TBX22: variants seen among roughly 807,000 people sequenced by gnomAD.
TBX22 encodes the protein T-box transcription factor TBX22.
In TBX22, 8 loss-of-function variants were observed where a neutral mutation model predicts 30.1. The observed-to-expected ratio is 0.27, with a 90% CI of 0.16 to 0.48. TBX22 has a LOEUF of 0.48. Among genes scored for constraint, TBX22 ranks in the 20% least tolerant of loss-of-function variants. The probability of loss-of-function intolerance (pLI) is 0.99; values close to 1 mark genes in which losing one functional copy is unlikely to be tolerated. For missense variants in TBX22, 463 were observed against 400.5 expected (o/e 1.16, Z -1.33); for synonymous variants, 173 against 149.1 (o/e 1.16, Z -1.17).
intron 1 of TBX22, among the ~76,000 whole-genome samples, chrX:80,021,315 C>T (rs1317756504): frequency 9.0e-6 from 1 of 111,622 alleles, no homozygotes; most frequent in Non-Finnish European, 1.9e-5. Context: ...AGAGGCAGGG[C>T]TTGAAGATCC....
In TBX22 at chrX:80,022,455, C is replaced by A. The variant is rs1462162124; in HGVS notation, c.175+11C>A. 2 of 1,171,180 alleles carry A rather than the reference C, an allele frequency of 1.7e-6. No individual in the cohort carries two copies. Reference sequence around the variant, plus strand: ...AGAGCGAGCCGCTTGGTAAGTACTGCCATTGCCCTGAGCCCGTTGCCTGAG... The same window carrying A: ...AGAGCGAGCCGCTTGGTAAGTACTGACATTGCCCTGAGCCCGTTGCCTGAG... On this transcript the variant is annotated intron_variant, in intron 2 of 8. Transcript: ENST00000373296.
intron 4 of TBX22, among the ~76,000 whole-genome samples, chrX:80,024,612 C>A (rs959727438): frequency 2.7e-5 from 3 of 111,450 alleles, no homozygotes; most frequent in Non-Finnish European, 3.8e-5. Context: ...CAGCAGGAGG[C>A]CAGAAGGATG....
rs1207067445 is a variant in TBX22 at position 80,018,128 on chromosome X, A to G, written c.-3+3241A>G. ...AAGCACAGTCTTCTTGAGAGATTAT[A>G]TTGAATTAAGCTAACCAGAAGTTGA... On this transcript the variant is annotated intron_variant, in intron 1 of 8. Transcript: ENST00000373296. Among the ~76,000 whole-genome samples the G allele has an allele frequency of 7.1e-5, 8 of 112,232 alleles. No individual in the cohort carries two copies. The Admixed American group carries it at 7.5e-4, about 11-fold the overall frequency.
intron 5 of TBX22, 135 bp from the exon 6 acceptor site, chrX:80,026,569 A>G: frequency 1.5e-6 from 1 of 683,592 alleles, no homozygotes; most frequent in Non-Finnish European, 2.3e-6. Context: ...TTGGAGGCCA[A>G]ATGGCACAAC....
Position 80,022,521 on chromosome X carries a change from C to T in TBX22, c.175+77C>T, listed in dbSNP as rs1341342111. 8.7e-6 allele frequency: 9 copies of T among 1,033,128 alleles called. No individual in the cohort carries two copies. In the Admixed American group the frequency reaches 2.3e-4, roughly 27 times the overall value. 85.1% of individuals were successfully genotyped at this position (1,033,128 alleles called of 1,213,427 possible). ...TCTCTCCGCCTGGCTCGCGTCCCGA[C>T]GCAGCCAGACAGCCACATTAGGAGC... On this transcript the variant is annotated intron_variant, in intron 2 of 8. Transcript: ENST00000373296.
chrX:80,019,712 T>G (rs963999691), intron 1 of TBX22, among the ~76,000 whole-genome samples: 2 of 111,442 alleles, frequency 1.8e-5, no homozygotes, highest in African/African-American at 6.5e-5. Flanking sequence ...TAATGCAATA[T>G]TTTCCCCCTC....
intron 1 of TBX22, among the ~76,000 whole-genome samples, chrX:80,016,122 A>C (rs749884962): frequency 8.9e-5 from 10 of 112,246 alleles, no homozygotes; most frequent in Non-Finnish European, 1.7e-4. Context: ...GGTATTGAAA[A>C]GCCCTGATTA....
chrX:80,018,275 C>T (rs1338855252), intron 1 of TBX22, among the ~76,000 whole-genome samples: 2 of 112,100 alleles, frequency 1.8e-5, no homozygotes, highest in Non-Finnish European at 3.8e-5. Flanking sequence ...CATATAAGAA[C>T]ATACACTTAC....
intron 8 of TBX22, among the ~76,000 whole-genome samples, chrX:80,028,582 C>T (rs774833332): frequency 9.8e-5 from 11 of 111,749 alleles, no homozygotes; most frequent in Non-Finnish European, 2.1e-4. Context: ...AATTTAATTG[C>T]CACAAGCATT....
intron 2 of TBX22, chrX:80,022,695 A>G: frequency 2.3e-6 from 1 of 436,527 alleles, no homozygotes; most frequent in Non-Finnish European, 4.0e-6. Flanking sequence ...CCTTCGCGGA[A>G]AGCTCTCACC....
chrX:80,029,002 A>C (rs1406654672), intron 8 of TBX22, among the ~76,000 whole-genome samples: 1 of 111,440 alleles, frequency 9.0e-6, no homozygotes, highest in African/African-American at 3.3e-5. Flanking sequence ...AACTAATAGC[A>C]TCTAGAAAGC....
Position 80,030,599 on chromosome X carries a change from C to T in TBX22, c.1051C>T (p.Pro351Ser), listed in dbSNP as rs778535394. ...TTGCTTTTCACCTATGTTTCATTTA[C>T]CTACAAGCTCCCTTGGAATGCCCTG... ...PLCFSPMFHL[P>S]TSSLGMPCPE... The change falls in exon 9 of 9, where the codon CCT becomes TCT. Residue 351 changes from proline (P) to serine (S), a missense_variant. Pro to Ser is a moderately conservative substitution (Grantham distance 74). Transcript: ENST00000373296. 1 of 1,211,615 alleles carries T rather than the reference C, an allele frequency of 8.3e-7. No individual in the cohort carries two copies. The highest frequency in any genetic ancestry group is 2.2e-5 in the Admixed American group (1 of 46,011).
rs781474415 is a variant in TBX22 at position 80,030,557 on chromosome X, T to A, written c.1009T>A (p.Ser337Thr). The change falls in exon 9 of 9, where the codon TCC (serine) becomes ACC (threonine). Residue 337 changes from serine (S) to threonine (T), a missense_variant. Coordinates refer to ENST00000373296, the MANE Select transcript of TBX22 (RefSeq NM_001109878.2). ...TGGAGGGGCCCCCTCTCCTTTGAAC[T>A]CCTTACTTTCTCCACTTTGCTTTTC... ...SSGGAPSPLN[S>T]LLSPLCFSPM... 1.2e-5 allele frequency: 15 copies of A among 1,209,478 alleles called. No homozygotes were observed. The African/African-American group carries it at 1.8e-4, about 14-fold the overall frequency.
At chrX:80,026,380 C>G (rs1923976677) in intron 5 of TBX22, among the ~76,000 whole-genome samples, 1 of 111,671 alleles carries the variant, frequency 9.0e-6, no homozygotes, top group Non-Finnish European at 1.9e-5. Context: ...CATATCCAAG[C>G]CTATCAGTTA....
rs764530704 is a variant in TBX22, at chrX:80,025,772, G to A, written c.628G>A (p.Gly210Ser). 3.3e-6 allele frequency: 4 copies of A among 1,200,977 alleles called. No homozygotes were observed. The highest frequency in any genetic ancestry group is 4.5e-6 in the Non-Finnish European group (4 of 889,089). The part of the protein sequence containing the change: ...KLTNNEMDDK[G>S]HIILQSMHKY... Reference sequence around the variant, plus strand: ...CACCAACAATGAGATGGATGACAAAGGCCACGTACGTGAGCACAATCCTTT... The same window carrying A: ...CACCAACAATGAGATGGATGACAAAAGCCACGTACGTGAGCACAATCCTTT... Residue 210 changes from glycine (G) to serine (S), a missense_variant, in exon 5 of 9, where the codon GGC becomes AGC. By Grantham distance (56) the Gly-to-Ser change is moderately conservative. Coordinates refer to ENST00000373296, the MANE Select transcript of TBX22 (RefSeq NM_001109878.2).
In TBX22 at chrX:80,023,069, C is replaced by T; in HGVS notation, c.185C>T (p.Pro62Leu). Residue 62 changes from proline (P) to leucine (L), a missense_variant, in exon 3 of 9, where the codon CCT becomes CTT. Coordinates refer to ENST00000373296, the MANE Select transcript of TBX22 (RefSeq NM_001109878.2). Reference sequence around the variant, plus strand: ...TTTCTGTGTCCAGCAGAAAAACAACCTAAGACAGAGCCCTCAACATCTGCT... The same window carrying T: ...TTTCTGTGTCCAGCAGAAAAACAACTTAAGACAGAGCCCTCAACATCTGCT... ...AGKSEPLEKQ[P>L]KTEPSTSASS... 1 of 1,211,617 alleles carries T rather than the reference C, an allele frequency of 8.3e-7. No homozygotes were observed. Among genetic ancestry groups the T allele is most frequent in the East Asian group, 3.0e-5 (1 of 33,820 alleles).
intron 1 of TBX22, among the ~76,000 whole-genome samples, chrX:80,021,013 T>A (rs1439388623): frequency 9.0e-6 from 1 of 111,147 alleles, no homozygotes; most frequent in Non-Finnish European, 1.9e-5. Context: ...CAGGCAGACA[T>A]CTCATATCTG....
chrX:80,024,377 A>G (rs1289149769), intron 4 of TBX22, among the ~76,000 whole-genome samples: 1 of 111,480 alleles, frequency 9.0e-6, no homozygotes, highest in Non-Finnish European at 1.9e-5. Context: ...CTCTGCCCCC[A>G]TCCCCTCTTG....
intron 1 of TBX22, among the ~76,000 whole-genome samples, chrX:80,015,982 G>C (rs1923416900): frequency 8.9e-6 from 1 of 111,737 alleles, no homozygotes; most frequent in Non-Finnish European, 1.9e-5. Context: ...GTGTATGAAA[G>C]AAGGCATAGA....
Sources: allele counts gnomAD v4.1 joint callset (sites outside exome capture counted in the v4.1 genomes callset), GRCh38; gene constraint gnomAD v4.1.1; transcripts MANE v1.5; gene names NCBI Gene and HGNC (gene_info 2026-07-23, HGNC 2026-07-21).